Variants in PLD5 observed in about 807,000 individuals in gnomAD.
PLD5 encodes the protein inactive phospholipase D5.
PLD5 carries 36 observed loss-of-function variants against 61.1 expected under a neutral mutation model. The observed-to-expected ratio is 0.59, with a 90% CI of 0.45 to 0.78. The LOEUF is 0.78. PLD5 is among the 30% of genes least tolerant of loss of function. PLD5 has a pLI of 0.00. For missense variants in PLD5, 515 were observed against 644.4 expected, an observed-to-expected ratio of 0.80 and a Z score of 2.17; for synonymous variants, 243 against 242.8, an observed-to-expected ratio of 1.00 and a Z score of -0.01.
intron 6 of PLD5, among the ~76,000 whole-genome samples, chr1:242,121,730 A>G (rs1219679568): frequency 1.1e-4 from 16 of 152,072 alleles, no homozygotes; most frequent in Non-Finnish European, 2.1e-4. Flanking sequence ...AGAAAATGTG[A>G]CAGATATACA....
chr1:242,373,942 A>G (rs1296476609), intron 1 of PLD5, among the ~76,000 whole-genome samples: 2 of 149,844 alleles, frequency 1.3e-5, no homozygotes, highest in Non-Finnish European at 3.0e-5. Context: ...TGTTGTGCAC[A>G]TGTACCCTAG....
intron 1 of PLD5, among the ~76,000 whole-genome samples, chr1:242,417,771 T>C (rs1572107171): frequency 6.6e-6 from 1 of 152,254 alleles, no homozygotes; most frequent in East Asian, 1.9e-4. Context: ...AAGAGGCCAG[T>C]ACGGGGGATG....
chr1:242,394,492 ATATATATGTG>A lies in PLD5; in HGVS notation c.190-46260_190-46251del, dbSNP rs1428270891. 2.8e-5 allele frequency among the ~76,000 whole-genome samples: 2 copies of A among 70,512 alleles called. 1 individual carries two copies. Among genetic ancestry groups the A allele is most frequent in the African/African-American group, 1.6e-4 (2 of 12,380 alleles). The allele number at this position is 70,512 out of a possible 152,430, so 46.3% of individuals were successfully genotyped here. A position where few individuals can be genotyped will look rare whatever the true frequency, so the allele number is the denominator to read the frequency against. On this transcript the variant is annotated intron_variant, in intron 1 of 9. Coordinates refer to ENST00000536534, the MANE Select transcript of PLD5 (RefSeq NM_001372062.1). Reference sequence around the variant, plus strand: ...CATATATATGTGTATATATGTGAACATATATATGTGTATATATGTGAACATATATATGTGT... The same window carrying A: ...CATATATATGTGTATATATGTGAACATATATATGTGAACATATATATGTGT...
At chr1:242,345,304 T>A (rs1219080395) in intron 2 of PLD5, among the ~76,000 whole-genome samples, 1 of 152,146 alleles carries the variant, frequency 6.6e-6, no homozygotes, top group African/African-American at 2.4e-5. Flanking sequence ...AGTAGTAGAA[T>A]GTAGATTTAA....
intron 5 of PLD5, among the ~76,000 whole-genome samples, chr1:242,184,268 G>C (rs1667729469): frequency 6.6e-6 from 1 of 152,196 alleles, no homozygotes; most frequent in South Asian, 2.1e-4. Context: ...AATTTTACTA[G>C]GTTTGCCTTG....
chr1:242,186,179 T>C (rs1372082969), intron 5 of PLD5, among the ~76,000 whole-genome samples: 1 of 148,696 alleles, frequency 6.7e-6, no homozygotes, highest in Non-Finnish European at 1.5e-5. Context: ...TATATATATA[T>C]ATACTTTTTT....
At chr1:242,231,210 G>T (rs919615177) in intron 4 of PLD5, among the ~76,000 whole-genome samples, 2 of 152,158 alleles carry the variant, frequency 1.3e-5, no homozygotes, top group Non-Finnish European at 2.9e-5. Context: ...ACGTGCTACG[G>T]CTTCCTCCCT....
Position 242,100,785 on chromosome 1 carries a change from G to C in PLD5, c.1240-3C>G, listed in dbSNP as rs776111979. The C allele has an allele frequency of 2.5e-6, 4 of 1,581,838 alleles. No individual in the cohort carries two copies. Among genetic ancestry groups the C allele is most frequent in the Non-Finnish European group, 3.4e-6 (4 of 1,163,638 alleles). ...TCTCTTTCCAGATCAAAAAATTTCT[G>C]TAAGAAAAAAAAAAAGGGGGCAGGT... On this transcript the variant is annotated splice_region_variant and splice_polypyrimidine_tract_variant and intron_variant, in intron 8 of 9. Transcript: ENST00000536534.
rs991895102 is a variant in PLD5, at chr1:242,083,837, T to C, written c.*6017A>G. 6.6e-6 allele frequency: 1 copy of C among 152,216 alleles called. No homozygotes were observed. The allele number at this position is 152,216 out of a possible 1,614,324, so 9.4% of individuals were successfully genotyped here. A position where few individuals can be genotyped will look rare whatever the true frequency, so the allele number is the denominator to read the frequency against. On this transcript the variant is annotated 3_prime_UTR_variant, in exon 10 of 10. Coordinates refer to ENST00000536534, the MANE Select transcript of PLD5 (RefSeq NM_001372062.1). ...CATATAATTTCAACGTTTTTAATCC[T>C]GGGAATTGAGGTCATATTTCCAAGA...
chr1:242,418,348 T>A (rs887426200), intron 1 of PLD5, among the ~76,000 whole-genome samples: 3 of 152,134 alleles, frequency 2.0e-5, no homozygotes, highest in African/African-American at 7.2e-5. Flanking sequence ...CCATTGGACA[T>A]ACAAAGTAAG....
At chr1:242,413,526 T>C (rs1378018417) in intron 1 of PLD5, among the ~76,000 whole-genome samples, 2 of 152,222 alleles carry the variant, frequency 1.3e-5, no homozygotes, top group Non-Finnish European at 2.9e-5. Context: ...TATGGCTGTT[T>C]TTCATTGAGA....
intron 8 of PLD5, among the ~76,000 whole-genome samples, chr1:242,106,316 A>G (rs1034527282): frequency 3.3e-5 from 5 of 152,196 alleles, no homozygotes; most frequent in Admixed American, 2.6e-4. Flanking sequence ...ATGTCCAGAA[A>G]TGCACATCAC....
intron 5 of PLD5, among the ~76,000 whole-genome samples, chr1:242,216,417 CTTGAG>C (rs777517024): frequency 6.6e-6 from 1 of 152,168 alleles, no homozygotes; most frequent in Admixed American, 6.5e-5. Flanking sequence ...TAATCCTTAA[CTTGAG>C]TTAATAGCTT....
intron 4 of PLD5, among the ~76,000 whole-genome samples, chr1:242,225,203 T>C (rs961278505): frequency 7.9e-5 from 12 of 151,320 alleles, no homozygotes; most frequent in African/African-American, 2.7e-4. Context: ...AAATAGCGCA[T>C]GTGAGACCCA....
chr1:242,469,775 C>T (rs1667384178), intron 1 of PLD5, among the ~76,000 whole-genome samples: 1 of 152,112 alleles, frequency 6.6e-6, no homozygotes, highest in African/African-American at 2.4e-5. Context: ...ATGCACGAAC[C>T]CCTGCCAGCA....
chr1:242,480,380 A>G (rs571619625), intron 1 of PLD5, among the ~76,000 whole-genome samples: 3 of 152,358 alleles, frequency 2.0e-5, no homozygotes, highest in African/African-American at 7.2e-5. Flanking sequence ...ACAGACTTCA[A>G]TCGAAGAGCT....
At chr1:242,307,609 C>G (rs1274501891) in intron 2 of PLD5, among the ~76,000 whole-genome samples, 1 of 151,536 alleles carries the variant, frequency 6.6e-6, no homozygotes, top group Non-Finnish European at 1.5e-5. Context: ...GCTCAAACAT[C>G]CCCCCTTGGA....
intron 1 of PLD5, among the ~76,000 whole-genome samples, chr1:242,477,875 G>A (rs538636478): frequency 6.9e-4 from 105 of 152,330 alleles, no homozygotes; most frequent in Non-Finnish European, 1.2e-3. Context: ...ATAAGAGCTG[G>A]ACCCTGAGTG....
chr1:242,214,521 G>A (rs72761293), intron 5 of PLD5, among the ~76,000 whole-genome samples: 1 of 152,026 alleles, frequency 6.6e-6, no homozygotes, highest in South Asian at 2.1e-4. Flanking sequence ...ATTGGCTTAT[G>A]GCAATAATCA....
Sources: gnomAD v4.1 joint callset for allele counts (sites outside exome capture counted in the v4.1 genomes callset) on GRCh38, gnomAD v4.1.1 for gene constraint, MANE v1.5 for transcripts, NCBI Gene and HGNC (gene_info 2026-07-23, HGNC 2026-07-21) for gene names.